The following PALS1 variants were observed in gnomAD, a reference collection of about 807,000 sequenced individuals.
PALS1 encodes protein associated with LIN7 1, MAGUK p55 family member.
PALS1 carries 31 observed loss-of-function variants against 78.9 expected under a neutral mutation model. The ratio of observed to expected loss-of-function variants is 0.39; its 90% CI spans 0.30 to 0.53. PALS1 has a LOEUF of 0.53. Among genes scored for constraint, PALS1 ranks in the 20% least tolerant of loss-of-function variants. The probability of loss-of-function intolerance (pLI) is 0.67; values close to 1 mark genes in which losing one functional copy is unlikely to be tolerated. For synonymous variants in PALS1, 276 were observed against 270.9 expected (o/e 1.02, Z -0.18); for missense variants, 704 against 826.5 (o/e 0.85, Z 1.82).
At chr14:67,319,733 C>T (rs1278259183) in intron 11 of PALS1, among the ~76,000 whole-genome samples, 1 of 152,260 alleles carries the variant, frequency 6.6e-6, no homozygotes, top group African/African-American at 2.4e-5. Flanking sequence ...ACGGGTTGGA[C>T]GAGCTTGAAC....
intron 7 of PALS1, 108 bp from the exon 8 acceptor site, chr14:67,303,414 C>T (rs1313790593): frequency 2.5e-6 from 2 of 793,800 alleles, no homozygotes; most frequent in African/African-American, 3.4e-5. Flanking sequence ...TCATTTAAGT[C>T]TGTGGAGGGG....
intron 1 of PALS1, among the ~76,000 whole-genome samples, chr14:67,243,585 C>CG (rs1567494576): frequency 1.3e-5 from 2 of 150,128 alleles, no homozygotes; most frequent in African/African-American, 4.9e-5. Context: ...CTCTGCCTCC[C>CG]GGGTTCACGC....
At chr14:67,293,583 G>T (rs1595591848) in intron 4 of PALS1, among the ~76,000 whole-genome samples, 2 of 151,990 alleles carry the variant, frequency 1.3e-5, no homozygotes, top group Admixed American at 6.6e-5. Context: ...TGGTTTAAAT[G>T]GTTTTCTGAA....
chr14:67,267,536 C>G (rs2084348331), intron 1 of PALS1, among the ~76,000 whole-genome samples: 1 of 152,128 alleles, frequency 6.6e-6, no homozygotes, highest in Non-Finnish European at 1.5e-5. Flanking sequence ...TAGGCATGAG[C>G]CACTGCACCC....
At chr14:67,259,534 C>T (rs2084200738) in intron 1 of PALS1, among the ~76,000 whole-genome samples, 1 of 152,158 alleles carries the variant, frequency 6.6e-6, no homozygotes, top group African/African-American at 2.4e-5. Flanking sequence ...ATTGCGTGAA[C>T]TCAGGAGGCA....
At chr14:67,249,990 G>A (rs749831124) in intron 1 of PALS1, among the ~76,000 whole-genome samples, 34 of 152,094 alleles carry the variant, frequency 2.2e-4, no homozygotes, top group Non-Finnish European at 3.2e-4. Flanking sequence ...GTAACGCTTC[G>A]GAAAGTCTTT....
chr14:67,332,630 C>T (rs1012868493), intron 14 of PALS1, 150 bp from the exon 15 acceptor site: 7 of 686,384 alleles, frequency 1.0e-5, no homozygotes, highest in South Asian at 2.3e-5. Context: ...CCATTGTGGC[C>T]GTGACAGGGT....
intron 3 of PALS1, among the ~76,000 whole-genome samples, chr14:67,292,093 T>C (rs1484352004): frequency 6.6e-6 from 1 of 152,180 alleles, no homozygotes; most frequent in African/African-American, 2.4e-5. Context: ...AGCCATGTAA[T>C]AGAATATAAT....
rs1425919333 is a variant in PALS1 at position 67,284,863 on chromosome 14, C to A, written c.367+5326C>A. Among the ~76,000 whole-genome samples the A allele has an allele frequency of 4.6e-5, 7 of 152,086 alleles. No individual in the cohort carries two copies. The East Asian group carries it at 1.4e-3, about 29-fold the overall frequency. On this transcript the variant is annotated intron_variant, in intron 3 of 14. Coordinates refer to ENST00000261681, the MANE Select transcript of PALS1 (RefSeq NM_022474.4). The stretch of plus-strand genomic sequence containing the variant: ...ATGGATGAATTAATATTCCACTGTA[C>A]AAATATACCACATCTTGTTTTTCCA...
intron 9 of PALS1, 77 bp downstream of exon 9, chr14:67,312,787 C>A: frequency 8.9e-7 from 1 of 1,122,060 alleles, no homozygotes; most frequent in South Asian, 2.6e-5. Flanking sequence ...GAAAAACTCA[C>A]TCTTTCATGC....
At chr14:67,287,362 A>G (rs148275940) in intron 3 of PALS1, among the ~76,000 whole-genome samples, 179 of 152,302 alleles carry the variant, frequency 1.2e-3, no homozygotes, top group East Asian at 3.1e-3. Context: ...TATAAGAAAA[A>G]AGGATGAAAT....
chr14:67,332,812 A>C lies in PALS1; in HGVS notation c.1884A>C (p.Thr628=), dbSNP rs370360342. The change falls in exon 15 of 15, where the codon ACA becomes ACC. Residue 628 remains threonine (T), a synonymous_variant. Coordinates refer to ENST00000261681, the MANE Select transcript of PALS1 (RefSeq NM_022474.4). ...PEELREIIEK[T]REMEQNNGHY... ...AGTTGAGAGAAATCATTGAGAAGAC[A>C]AGAGAGATGGAGCAGAACAATGGCC... 1 of 1,613,374 alleles carries C rather than the reference A, an allele frequency of 6.2e-7. No homozygotes were observed. The highest frequency in any genetic ancestry group is 8.5e-7 in the Non-Finnish European group (1 of 1,179,512).
rs767004220 is a variant in PALS1 at position 67,279,279 on chromosome 14, G to A, written c.109G>A (p.Val37Ile). The A allele has an allele frequency of 1.2e-6, 2 of 1,614,042 alleles. No homozygotes were observed. Among genetic ancestry groups the A allele is most frequent in the Non-Finnish European group, 1.7e-6 (2 of 1,179,990 alleles). ...ACATCAGAAGCACCGAGAGATGGCT[G>A]TTGACTGCCCTGGAGATTTGGGCAC... The part of the protein sequence containing the change: ...EEHQKHREMA[V>I]DCPGDLGTRM... Residue 37 changes from valine (V) to isoleucine (I), a missense_variant, in exon 3 of 15, where the codon GTT (valine) becomes ATT (isoleucine). Val to Ile is a conservative substitution (Grantham distance 29). Transcript: ENST00000261681.
chr14:67,330,781 A>G (rs1595625171), intron 14 of PALS1, among the ~76,000 whole-genome samples: 2 of 152,224 alleles, frequency 1.3e-5, no homozygotes, highest in East Asian at 1.9e-4. Context: ...TCTTTAACAC[A>G]TGAGTTATTT....
In PALS1 at chr14:67,303,571, T is replaced by C; in HGVS notation, c.1013T>C (p.Ile338Thr). 1 of 1,613,780 alleles carries C rather than the reference T, an allele frequency of 6.2e-7. No individual in the cohort carries two copies. Among genetic ancestry groups the C allele is most frequent in the South Asian group, 1.1e-5 (1 of 91,080 alleles). Residue 338 changes from isoleucine (I) to threonine (T), a missense_variant, in exon 8 of 15, where the codon ATC becomes ACC. Physicochemically the swap from Ile to Thr is moderately conservative, Grantham distance 89. Coordinates refer to ENST00000261681, the MANE Select transcript of PALS1 (RefSeq NM_022474.4). The stretch of plus-strand genomic sequence containing the variant: ...TTTGTCCTGATTCCCAGTCAACAGA[T>C]CAAGCCGCCTCCTGCCAAGGAAACA... Reference protein sequence around the residue: ...LTFVLIPSQQIKPPPAKETVI... With the variant: ...LTFVLIPSQQTKPPPAKETVI...
intron 2 of PALS1, 200 bp downstream of exon 2, chr14:67,269,983 C>T (rs898181481): frequency 1.3e-5 from 2 of 152,184 alleles, no homozygotes; most frequent in African/African-American, 4.8e-5. Context: ...GAGTTCTGGA[C>T]ACTAGTGTAG....
intron 3 of PALS1, among the ~76,000 whole-genome samples, chr14:67,290,394 G>A (rs1364395659): frequency 2.0e-5 from 3 of 152,138 alleles, no homozygotes; most frequent in African/African-American, 7.2e-5. Flanking sequence ...TGGTGGCATT[G>A]TAAATCAGTG....
intron 1 of PALS1, among the ~76,000 whole-genome samples, chr14:67,268,091 C>G (rs1177941557): frequency 6.6e-6 from 1 of 152,074 alleles, no homozygotes; most frequent in Non-Finnish European, 1.5e-5. Context: ...ATTTCTTTCT[C>G]TTGTGTGGAA....
intron 4 of PALS1, among the ~76,000 whole-genome samples, chr14:67,296,451 A>G (rs2084851548): frequency 6.6e-6 from 1 of 151,794 alleles, no homozygotes; most frequent in Admixed American, 6.6e-5. Context: ...ATACAAAAAA[A>G]TTAGGCGGGT....
Sources: gnomAD v4.1 joint callset for allele counts (sites outside exome capture counted in the v4.1 genomes callset) on GRCh38, gnomAD v4.1.1 for gene constraint, MANE v1.5 for transcripts, NCBI Gene and HGNC (gene_info 2026-07-23, HGNC 2026-07-21) for gene names.